The following IQCE variants were observed in gnomAD, a reference collection of about 807,000 sequenced individuals.
IQCE encodes IQ domain-containing protein E.
A neutral mutation model predicts 96.0 loss-of-function variants in IQCE; 115 were observed. That is an observed-to-expected ratio of 1.20 (90% CI 1.03 to 1.40). IQCE has a LOEUF of 1.40. IQCE is among the 40% of genes most tolerant of loss of function. The pLI is 0.00. For missense variants in IQCE, 1,041 were observed against 909.1 expected, an observed-to-expected ratio of 1.15 and a Z score of -1.87; for synonymous variants, 412 against 371.2, an observed-to-expected ratio of 1.11 and a Z score of -1.26.
At chr7:2,565,457 A>G (rs1029697329) in intron 1 of IQCE, among the ~76,000 whole-genome samples, 1 of 152,236 alleles carries the variant, frequency 6.6e-6, no homozygotes, top group African/African-American at 2.4e-5. Context: ...TTTACTACAC[A>G]TAAAATCTCA....
At position 2,610,027 on chromosome 7, in the gene IQCE, G is replaced by T; in HGVS notation, c.1970-17G>T. The stretch of plus-strand genomic sequence containing the variant: ...GTCAGCGTGGCTGACCCCTCTCCCT[G>T]TGGTTCATTTCTGCAGACCCCTCTC... On this transcript the variant is annotated splice_polypyrimidine_tract_variant and intron_variant, in intron 21 of 21. Transcript: ENST00000402050. 2 of 1,412,856 alleles carry T rather than the reference G, an allele frequency of 1.4e-6. No homozygotes were observed. Among genetic ancestry groups the T allele is most frequent in the South Asian group, 1.2e-5 (1 of 86,852 alleles). 87.5% of individuals were successfully genotyped at this position (1,412,856 alleles called of 1,614,324 possible).
rs926842285 is a variant in IQCE at position 2,571,546 on chromosome 7, C to G, written c.151C>G (p.Pro51Ala). The G allele has an allele frequency of 6.2e-7, 1 of 1,606,294 alleles. No homozygotes were observed. The highest frequency in any genetic ancestry group is 1.3e-5 in the African/African-American group (1 of 74,922). ...TCCAGAGTCACCTTATCTCTCTAAGCCGAGAAAAGTGGCCTCCTGGAGGTC... is the reference window on the plus strand; with the variant it reads ...TCCAGAGTCACCTTATCTCTCTAAGGCGAGAAAAGTGGCCTCCTGGAGGTC... ...TSPKSPYLSK[P>A]RKVASWRSLR... The change falls in exon 4 of 22, where the codon CCG becomes GCG. Residue 51 changes from proline (P) to alanine (A), a missense_variant. Pro to Ala is a conservative substitution (Grantham distance 27). Transcript: ENST00000402050.
At chr7:2,561,297 T>A (rs1780935738) in intron 1 of IQCE, among the ~76,000 whole-genome samples, 1 of 152,168 alleles carries the variant, frequency 6.6e-6, no homozygotes, top group Admixed American at 6.5e-5. Context: ...TGGTTTATAT[T>A]TTTCAATGTA....
Position 2,610,430 on chromosome 7 carries a change from C to A in IQCE, c.*268C>A. On this transcript the variant is annotated 3_prime_UTR_variant, in exon 22 of 22. Transcript: ENST00000402050. ...TTTCAGTGCCAACAGACACATCTGC[C>A]GTGAACTCGCAGATGCCAGGGAGCC... 1 of 392,460 alleles carries A rather than the reference C, an allele frequency of 2.5e-6. No homozygotes were observed. The highest frequency in any genetic ancestry group is 2.8e-5 in the South Asian group (1 of 35,730). The allele number at this position is 392,460 out of a possible 1,614,324, so 24.3% of individuals were successfully genotyped here.
intron 7 of IQCE, 43 bp downstream of exon 7, chr7:2,578,398 T>G: frequency 6.2e-7 from 1 of 1,610,644 alleles, no homozygotes; most frequent in Non-Finnish European, 8.5e-7. Flanking sequence ...GGGAGGGTCC[T>G]CGGGGCAGCA....
rs201365807 is a variant in IQCE at position 2,587,939 on chromosome 7, GC to G, written c.1044+63del. On this transcript the variant is annotated intron_variant, in intron 13 of 21. Transcript: ENST00000402050. ...CAGGGGCCTCATGCTGTGGGGACGG[GC>G]TCACAGGGTGCGGAAGGTGGCGCTG... is the stretch of plus-strand genomic sequence containing the variant. 1.9e-3 allele frequency: 2,847 copies of G among 1,480,258 alleles called. 36 individuals are homozygous for G. In the African/African-American group the frequency reaches 0.035, roughly 18 times the overall value. The allele number at this position is 1,480,258 out of a possible 1,614,324, so 91.7% of individuals were successfully genotyped here. A position where few individuals can be genotyped will look rare whatever the true frequency, so the allele number is the denominator to read the frequency against.
intron 1 of IQCE, chr7:2,559,666 T>A (rs1417611021): frequency 6.7e-6 from 1 of 149,720 alleles, no homozygotes; most frequent in Non-Finnish European, 1.5e-5. Flanking sequence ...TGGGGCCCGA[T>A]GTACTCCCCA....
intron 19 of IQCE, 132 bp downstream of exon 19, chr7:2,605,123 C>G: frequency 1.6e-6 from 1 of 642,856 alleles, no homozygotes; most frequent in Admixed American, 2.6e-5. Flanking sequence ...CCCCTGCGCT[C>G]CATCCCTGGC....
chr7:2,578,747 C>G (rs1782415064), intron 8 of IQCE, among the ~76,000 whole-genome samples: 1 of 152,210 alleles, frequency 6.6e-6, no homozygotes, highest in Admixed American at 6.5e-5. Flanking sequence ...TAGGAAAAAC[C>G]CATCACAACG....
At chr7:2,587,951 C>A in intron 13 of IQCE, 74 bp downstream of exon 13, 2 of 1,355,738 alleles carry the variant, frequency 1.5e-6, no homozygotes, top group Non-Finnish European at 2.1e-6. Context: ...TCACAGGGTG[C>A]GGAAGGTGGC....
At chr7:2,603,946 T>G (rs1299916534) in intron 18 of IQCE, among the ~76,000 whole-genome samples, 1 of 151,128 alleles carries the variant, frequency 6.6e-6, no homozygotes, top group Non-Finnish European at 1.5e-5. Flanking sequence ...AAATAAGTGC[T>G]TCCCCGAAAA....
intron 16 of IQCE, 42 bp downstream of exon 16, chr7:2,595,018 A>C: frequency 7.1e-7 from 1 of 1,412,932 alleles, no homozygotes. Flanking sequence ...AGGTGCGGTG[A>C]GACTTTGGTC....
intron 8 of IQCE, among the ~76,000 whole-genome samples, chr7:2,582,340 C>T (rs887342114): frequency 2.6e-5 from 4 of 152,334 alleles, no homozygotes; most frequent in Non-Finnish European, 4.4e-5. Context: ...AGTGTGCCCA[C>T]GATGGCTGCC....
At chr7:2,593,685 C>T (rs567909991) in intron 15 of IQCE, among the ~76,000 whole-genome samples, 160 of 152,324 alleles carry the variant, frequency 1.1e-3, no homozygotes, top group African/African-American at 3.5e-3. Context: ...CCAGAACGGG[C>T]GGACCCACGT....
intron 10 of IQCE, 50 bp downstream of exon 10, chr7:2,583,759 C>T (rs761330738): frequency 6.8e-5 from 24 of 351,014 alleles, no homozygotes; most frequent in South Asian, 2.9e-4. Context: ...AGCTGGGCGG[C>T]GGGGCGGAGG....
chr7:2,596,399 A>ATT (rs3074415), intron 16 of IQCE, among the ~76,000 whole-genome samples: 4 of 138,458 alleles, frequency 2.9e-5, no homozygotes, highest in Non-Finnish European at 6.3e-5. Flanking sequence ...GGTTATAAGC[A>ATT]TTTTTTTTTT....
chr7:2,572,726 T>C, intron 5 of IQCE: 1 of 458,812 alleles, frequency 2.2e-6, no homozygotes, highest in Non-Finnish European at 4.4e-6. Context: ...TCTTTTTTTT[T>C]AGAGACGGAA....
chr7:2,576,358 G>C (rs898595270), intron 6 of IQCE, among the ~76,000 whole-genome samples: 2 of 152,186 alleles, frequency 1.3e-5, no homozygotes, highest in Non-Finnish European at 2.9e-5. Flanking sequence ...CAAAGTACAG[G>C]ATAGTTGTAG....
chr7:2,607,915 C>A (rs1302303823), intron 21 of IQCE, among the ~76,000 whole-genome samples: 1 of 152,206 alleles, frequency 6.6e-6, no homozygotes, highest in Non-Finnish European at 1.5e-5. Context: ...AGCCTTAAGA[C>A]CCTGTTGAGG....
Sources: allele counts gnomAD v4.1 joint callset (sites outside exome capture counted in the v4.1 genomes callset), GRCh38; gene constraint gnomAD v4.1.1; transcripts MANE v1.5; gene names NCBI Gene and HGNC (gene_info 2026-07-23, HGNC 2026-07-21).